Variants in CUX1 observed in about 807,000 individuals in gnomAD.
CUX1 encodes the protein protein CASP.
In CUX1, 31 loss-of-function variants were observed where a neutral mutation model predicts 158.8. The ratio of observed to expected loss-of-function variants is 0.20; its 90% CI spans 0.15 to 0.26. CUX1 has a LOEUF of 0.26. CUX1 is among the 10% of genes least tolerant of loss of function. The probability of loss-of-function intolerance (pLI) is 1.00; values close to 1 mark genes in which losing one functional copy is unlikely to be tolerated. For synonymous variants in CUX1, 879 were observed against 862.1 expected (o/e 1.02, Z -0.34); for missense variants, 1,589 against 2,014.6 (o/e 0.79, Z 4.04).
At chr7:101,978,864 C>T (rs1813058046) in intron 2 of CUX1, among the ~76,000 whole-genome samples, 1 of 152,246 alleles carries the variant, frequency 6.6e-6, no homozygotes, top group Non-Finnish European at 1.5e-5. Context: ...TCCTAGAATG[C>T]CATTCCCATG....
chr7:102,123,834 T>C (rs973302753), intron 8 of CUX1, among the ~76,000 whole-genome samples: 3 of 151,942 alleles, frequency 2.0e-5, no homozygotes, highest in Non-Finnish European at 4.4e-5. Flanking sequence ...GGCTAATTTT[T>C]GTATTTTTAG....
intron 2 of CUX1, among the ~76,000 whole-genome samples, chr7:102,011,818 C>T (rs1161047953): frequency 6.6e-6 from 1 of 152,052 alleles, no homozygotes; most frequent in African/African-American, 2.4e-5. Context: ...CTTACTTAGA[C>T]ACTTGAATTT....
At chr7:102,112,826 C>T (rs534652410) in intron 7 of CUX1, among the ~76,000 whole-genome samples, 2 of 152,292 alleles carry the variant, frequency 1.3e-5, no homozygotes, top group South Asian at 2.1e-4. Context: ...CACACCCAGC[C>T]TCTCTTTTTT....
chr7:102,104,551 T>C (rs1008878045), intron 6 of CUX1, 92 bp downstream of exon 6: 1 of 1,513,934 alleles, frequency 6.6e-7, no homozygotes, highest in Non-Finnish European at 8.9e-7. Context: ...ATCTGCAAAA[T>C]AAGCCCAGGT....
At chr7:101,995,273 C>G (rs1815702163) in intron 2 of CUX1, among the ~76,000 whole-genome samples, 1 of 152,284 alleles carries the variant, frequency 6.6e-6, no homozygotes, top group African/African-American at 2.4e-5. Context: ...CCATGGCTCA[C>G]TTATCCCTGC....
At position 101,911,752 on chromosome 7, in the gene CUX1, G is replaced by A. The variant is rs375398703; in HGVS notation, c.31-4363G>A. 5.9e-5 allele frequency among the ~76,000 whole-genome samples: 9 copies of A among 152,348 alleles called. No individual in the cohort carries two copies. In the South Asian group the frequency reaches 1.2e-3, roughly 21 times the overall value. ...CACCTGGGAAGCTCTTGGTCAGCTC[G>A]GCCCATTGACTTGAGAGAGGAATAG... is the stretch of plus-strand genomic sequence containing the variant. On this transcript the variant is annotated intron_variant, in intron 1 of 23. Transcript: ENST00000292535.
intron 13 of CUX1, among the ~76,000 whole-genome samples, chr7:102,194,783 G>A (rs1794621154): frequency 6.6e-6 from 1 of 152,054 alleles, no homozygotes; most frequent in Non-Finnish European, 1.5e-5. Flanking sequence ...AGCACTTTGG[G>A]AGGCTGAGGT....
chr7:102,093,961 G>A (rs548545527), intron 4 of CUX1, among the ~76,000 whole-genome samples: 9 of 152,164 alleles, frequency 5.9e-5, no homozygotes, highest in Non-Finnish European at 1.2e-4. Context: ...GCTAAGATCG[G>A]AGGCATCTGA....
chr7:101,889,724 A>T (rs1285044545), intron 1 of CUX1, among the ~76,000 whole-genome samples: 1 of 152,170 alleles, frequency 6.6e-6, no homozygotes, highest in East Asian at 1.9e-4. Context: ...GTCAGGCGAG[A>T]TCACACCGCT....
intron 2 of CUX1, chr7:101,959,546 A>C (rs1361738091): frequency 1.3e-5 from 2 of 152,122 alleles, no homozygotes; most frequent in Non-Finnish European, 2.9e-5. Flanking sequence ...TCGGGTGCCA[A>C]CCAGGAAAGC....
intron 1 of CUX1, among the ~76,000 whole-genome samples, chr7:101,872,935 C>T (rs1287921059): frequency 6.6e-6 from 1 of 151,950 alleles, no homozygotes; most frequent in African/African-American, 2.4e-5. Context: ...TGCAGTGGCC[C>T]GATCTCAGCT....
intron 19 of CUX1, 146 bp from the exon 20 acceptor site, chr7:102,204,968 G>T (rs540007863): frequency 1.0e-4 from 64 of 628,048 alleles, no homozygotes; most frequent in Admixed American, 3.9e-4. Flanking sequence ...CCTTGCAACA[G>T]CAGCGCCTCC....
chr7:101,871,138 G>C (rs1382596106), intron 1 of CUX1, among the ~76,000 whole-genome samples: 1 of 152,112 alleles, frequency 6.6e-6, no homozygotes, highest in Non-Finnish European at 1.5e-5. Flanking sequence ...GCATTTTACT[G>C]TGTGATCCTA....
rs911216098 is a variant in CUX1, at chr7:102,204,295, C to T, written c.2908-96C>T. Reference sequence around the variant, plus strand: ...TCTGTGCTCAGAAGTCAGCCCTAGACGCGCCCTCTGCGTGGTGGGTGTGCA... The same window carrying T: ...TCTGTGCTCAGAAGTCAGCCCTAGATGCGCCCTCTGCGTGGTGGGTGTGCA... On this transcript the variant is annotated intron_variant, in intron 18 of 23. Coordinates refer to ENST00000292535, the MANE Select transcript of CUX1 (RefSeq NM_181552.4). 35 of 1,494,874 alleles carry T rather than the reference C, an allele frequency of 2.3e-5. No homozygotes were observed. In the Middle Eastern group the frequency reaches 6.5e-4, roughly 28 times the overall value. 92.6% of individuals were successfully genotyped at this position (1,494,874 alleles called of 1,614,324 possible).
chr7:102,009,910 C>T (rs919795023), intron 2 of CUX1, among the ~76,000 whole-genome samples: 1 of 152,222 alleles, frequency 6.6e-6, no homozygotes, highest in Non-Finnish European at 1.5e-5. Flanking sequence ...TCGTGACTGG[C>T]GTGCCTCACT....
intron 2 of CUX1, among the ~76,000 whole-genome samples, chr7:102,017,579 G>A (rs982220053): frequency 6.6e-6 from 1 of 152,094 alleles, no homozygotes; most frequent in Non-Finnish European, 1.5e-5. Context: ...CAGTGCGGTG[G>A]CTCACGCCTG....
chr7:101,832,958 G>A (rs1277789255), intron 1 of CUX1, among the ~76,000 whole-genome samples: 1 of 152,112 alleles, frequency 6.6e-6, no homozygotes, highest in African/African-American at 2.4e-5. Flanking sequence ...GGGGTGGGAG[G>A]GCTTGGACTT....
chr7:101,876,467 C>A (rs1440750085), intron 1 of CUX1, among the ~76,000 whole-genome samples: 1 of 151,808 alleles, frequency 6.6e-6, no homozygotes, highest in Non-Finnish European at 1.5e-5. Context: ...GAGGCCAAGG[C>A]AGGCGGATCA....
intron 20 of CUX1, among the ~76,000 whole-genome samples, chr7:102,219,570 C>T (rs972154111): frequency 6.6e-6 from 1 of 152,212 alleles, no homozygotes; most frequent in Non-Finnish European, 1.5e-5. Flanking sequence ...GTCGGCCCCC[C>T]GCTGGCGTCA....
Sources: allele counts gnomAD v4.1 joint callset (sites outside exome capture counted in the v4.1 genomes callset), GRCh38; gene constraint gnomAD v4.1.1; transcripts MANE v1.5; gene names NCBI Gene and HGNC (gene_info 2026-07-23, HGNC 2026-07-21).